RAP1GAP2: variants seen among roughly 807,000 people sequenced by gnomAD.
The protein encoded by RAP1GAP2 is RAP1 GTPase activating protein 2.
Under a neutral mutation model 95.0 loss-of-function variants are expected in RAP1GAP2, and 27 were observed. That is an observed-to-expected ratio of 0.28 (90% CI 0.21 to 0.39). The LOEUF (loss-of-function observed/expected upper bound fraction) is 0.39. RAP1GAP2 is among the 10% of genes least tolerant of loss of function. The pLI, the probability that RAP1GAP2 is intolerant of heterozygous loss-of-function variation, is 1.00. For missense variants in RAP1GAP2, 771 were observed against 970.0 expected, an observed-to-expected ratio of 0.79 and a Z score of 2.72; for synonymous variants, 373 against 380.9, an observed-to-expected ratio of 0.98 and a Z score of 0.24.
In RAP1GAP2 at chr17:2,997,039, G is replaced by A. The variant is rs191274468; in HGVS notation, c.1045-1182G>A. 5.3e-5 allele frequency among the ~76,000 whole-genome samples: 8 copies of A among 152,252 alleles called. No individual in the cohort carries two copies. The East Asian group carries it at 5.8e-4, about 11-fold the overall frequency. On this transcript the variant is annotated intron_variant, in intron 13 of 24. Transcript: ENST00000254695. ...CACCCAGGCTGGAGTGCAGTGGTGC[G>A]ATCATAGCTCACCGCGGCCTTGAAC... is the stretch of plus-strand genomic sequence containing the variant.
chr17:2,878,810 G>C (rs2073184434), intron 2 of RAP1GAP2, among the ~76,000 whole-genome samples: 1 of 152,230 alleles, frequency 6.6e-6, no homozygotes. Flanking sequence ...AGGCAAACCT[G>C]GGCCCCAGAG....
chr17:2,800,955 A>T (rs1348571339), intron 2 of RAP1GAP2, among the ~76,000 whole-genome samples: 2 of 148,360 alleles, frequency 1.3e-5, no homozygotes, highest in African/African-American at 2.5e-5. Flanking sequence ...GTTCAAGTGA[A>T]TCTCCTGCCT....
chr17:2,788,951 T>C (rs2068855478), intron 1 of RAP1GAP2, among the ~76,000 whole-genome samples: 1 of 152,232 alleles, frequency 6.6e-6, no homozygotes, highest in Non-Finnish European at 1.5e-5. Flanking sequence ...GCTATGGAGA[T>C]ATCCCCTAGC....
intron 13 of RAP1GAP2, among the ~76,000 whole-genome samples, chr17:2,997,046 G>C (rs1811088480): frequency 6.6e-6 from 1 of 152,166 alleles, no homozygotes; most frequent in African/African-American, 2.4e-5. Context: ...TGCGATCATA[G>C]CTCACCGCGG....
chr17:2,978,512 G>A (rs921515149), intron 8 of RAP1GAP2, among the ~76,000 whole-genome samples: 1 of 152,128 alleles, frequency 6.6e-6, no homozygotes, highest in Non-Finnish European at 1.5e-5. Flanking sequence ...TATTCAGGAC[G>A]GCACAAAATT....
intron 1 of RAP1GAP2, among the ~76,000 whole-genome samples, chr17:2,778,720 C>T (rs1364583826): frequency 2.6e-4 from 39 of 152,220 alleles, no homozygotes; most frequent in Admixed American, 2.6e-3. Context: ...GCCGCACCTG[C>T]ATTCCCCTCA....
intron 3 of RAP1GAP2, among the ~76,000 whole-genome samples, chr17:2,941,061 G>C (rs1291072444): frequency 6.6e-6 from 1 of 152,184 alleles, no homozygotes; most frequent in African/African-American, 2.4e-5. Flanking sequence ...TAGTGGTATA[G>C]TGGAGAGTTT....
intron 2 of RAP1GAP2, among the ~76,000 whole-genome samples, chr17:2,894,104 C>T (rs757429589): frequency 4.7e-5 from 7 of 150,146 alleles, no homozygotes; most frequent in Admixed American, 6.7e-5. Context: ...GGCGAAACCC[C>T]GTCTCAACTA....
rs1193725705 is a variant in RAP1GAP2 at position 3,008,381 on chromosome 17, C to G, written c.1494+236C>G. On this transcript the variant is annotated intron_variant, in intron 17 of 24. Transcript: ENST00000254695. The surrounding 1 kb of genome is among the most constrained non-coding windows in gnomAD (Gnocchi z 4.2). ...CCCATCCTTCCTCTATCTGGGTCAT[C>G]TCCTCCGGGCCCAGAAGTCTGTTAA... Among the ~76,000 whole-genome samples the G allele has an allele frequency of 1.3e-5, 2 of 152,194 alleles. No individual in the cohort carries two copies. Among genetic ancestry groups the G allele is most frequent in the Non-Finnish European group, 2.9e-5 (2 of 68,044 alleles).
chr17:2,804,950 G>A (rs1198159730), intron 2 of RAP1GAP2, among the ~76,000 whole-genome samples: 1 of 152,146 alleles, frequency 6.6e-6, no homozygotes, highest in African/African-American at 2.4e-5. Flanking sequence ...TTCATGCCTT[G>A]AATCCTTTCG....
Position 2,906,144 on chromosome 17 carries a change from GT to G in RAP1GAP2, c.165+777del, listed in dbSNP as rs2042192589. Among the ~76,000 whole-genome samples, 1 of 151,886 alleles carries G rather than the reference GT, an allele frequency of 6.6e-6. No homozygotes were observed. The highest frequency in any genetic ancestry group is 6.6e-5 in the Admixed American group (1 of 15,246). Reference sequence around the variant, plus strand: ...CACTCTGTGGAGTGAGTGAGGACTAGTGCTGAAGAAGTCACCTGCCTCCTGA... The same window carrying G: ...CACTCTGTGGAGTGAGTGAGGACTAGGCTGAAGAAGTCACCTGCCTCCTGA... On this transcript the variant is annotated intron_variant, in intron 3 of 24. Transcript: ENST00000254695. This position sits in a 1 kb window ranked among gnomAD's most constrained non-coding sequence, Gnocchi z 4.3.
At chr17:2,947,893 C>A (rs1441449104) in intron 3 of RAP1GAP2, among the ~76,000 whole-genome samples, 1 of 152,172 alleles carries the variant, frequency 6.6e-6, no homozygotes, top group Non-Finnish European at 1.5e-5. Flanking sequence ...TCACTCTGAC[C>A]TGTTTGCTTC....
At chr17:2,898,071 C>G (rs2041898878) in intron 2 of RAP1GAP2, among the ~76,000 whole-genome samples, 2 of 151,972 alleles carry the variant, frequency 1.3e-5, no homozygotes, top group South Asian at 4.2e-4. Flanking sequence ...CAGGCATGCA[C>G]CTGGCTCATT....
intron 17 of RAP1GAP2, among the ~76,000 whole-genome samples, chr17:3,010,336 CAAAAAAAA>C (rs1179623628): frequency 1.4e-4 from 10 of 70,268 alleles, no homozygotes; most frequent in East Asian, 1.2e-3. Flanking sequence ...GAGACTGTCT[CAAAAAAAA>C]AAAAAAAAAA....
chr17:2,918,387 C>T (rs1052226807), intron 3 of RAP1GAP2, among the ~76,000 whole-genome samples: 2 of 141,718 alleles, frequency 1.4e-5, no homozygotes, highest in African/African-American at 2.7e-5. Context: ...GAGTCGACAT[C>T]GTGCCACTAC....
intron 2 of RAP1GAP2, among the ~76,000 whole-genome samples, chr17:2,801,503 T>A (rs2151481046): frequency 6.6e-6 from 1 of 151,520 alleles, no homozygotes; most frequent in South Asian, 2.1e-4. Flanking sequence ...ATAATTACAT[T>A]TTTTATCACT....
chr17:2,969,181 A>ATCTATCTATC (rs146508761), intron 8 of RAP1GAP2, among the ~76,000 whole-genome samples: 3,935 of 147,054 alleles, frequency 0.027, 66 homozygotes, highest in African/African-American at 0.039. Flanking sequence ...CTATCTATCT[A>ATCTATCTATC]TATATATATA....
chr17:2,873,390 G>A (rs965049086), intron 2 of RAP1GAP2, among the ~76,000 whole-genome samples: 3 of 143,018 alleles, frequency 2.1e-5, no homozygotes, highest in South Asian at 4.6e-4. Flanking sequence ...TGGGAGGATC[G>A]CCTGAGCCCA....
chr17:2,912,979 A>G (rs973738883), intron 3 of RAP1GAP2, among the ~76,000 whole-genome samples: 24 of 152,146 alleles, frequency 1.6e-4, no homozygotes, highest in African/African-American at 5.8e-4. Flanking sequence ...GGAGTTTGAG[A>G]CCAGCCTGGG....
Sources: allele counts gnomAD v4.1 joint callset (sites outside exome capture counted in the v4.1 genomes callset), GRCh38; gene constraint gnomAD v4.1.1; non-coding constraint Gnocchi (gnomAD v3.1); transcripts MANE v1.5; gene names NCBI Gene and HGNC (gene_info 2026-07-23, HGNC 2026-07-21).